GPR161: variants seen among roughly 807,000 people sequenced by gnomAD.
GPR161 encodes G protein-coupled receptor 161.
Under a neutral mutation model 39.2 loss-of-function variants are expected in GPR161, and 25 were observed. That is an observed-to-expected ratio of 0.64 (90% CI 0.47 to 0.89). GPR161 has a LOEUF of 0.89. Among genes scored for constraint, GPR161 ranks in the 40% least tolerant of loss-of-function variants. The probability of loss-of-function intolerance (pLI) is 0.00; values close to 1 mark genes in which losing one functional copy is unlikely to be tolerated. For synonymous variants in GPR161, 286 were observed against 276.6 expected (o/e 1.03, Z -0.34); for missense variants, 547 against 677.8 (o/e 0.81, Z 2.14).
At position 168,085,230 on chromosome 1, in the gene GPR161, C is replaced by T. The variant is rs1364851805; in HGVS notation, c.*301G>A. 2 of 466,874 alleles carry T rather than the reference C, an allele frequency of 4.3e-6. No individual in the cohort carries two copies. The highest frequency in any genetic ancestry group is 9.0e-5 in the East Asian group (2 of 22,344). 28.9% of individuals were successfully genotyped at this position (466,874 alleles called of 1,614,324 possible). A position where few individuals can be genotyped will look rare whatever the true frequency, so the allele number is the denominator to read the frequency against. On this transcript the variant is annotated 3_prime_UTR_variant, in exon 6 of 6. Coordinates refer to ENST00000682931, the MANE Select transcript of GPR161 (RefSeq NM_001375883.1). ...CTCTGGTCCTCCCATGCCCCACCTC[C>T]CAAAAAGCCACAGCCACATCTCTAG...
At chr1:168,123,625 G>C (rs552407359) in intron 1 of GPR161, among the ~76,000 whole-genome samples, 1 of 151,692 alleles carries the variant, frequency 6.6e-6, no homozygotes, top group Non-Finnish European at 1.5e-5. Flanking sequence ...AGTCTGCAAA[G>C]TGGTGGAAAG....
chr1:168,101,443 C>T (rs145434494), intron 2 of GPR161, among the ~76,000 whole-genome samples: 1 of 152,208 alleles, frequency 6.6e-6, no homozygotes, highest in Non-Finnish European at 1.5e-5. Flanking sequence ...AGAGAATTAT[C>T]TGGCTCGAAA....
intron 1 of GPR161, among the ~76,000 whole-genome samples, chr1:168,106,936 G>A (rs1290151205): frequency 5.3e-5 from 8 of 151,872 alleles, no homozygotes; most frequent in Non-Finnish European, 1.0e-4. Flanking sequence ...GCGAGTTCTG[G>A]GTTTGTTGAC....
chr1:168,085,911 G>A, intron 5 of GPR161, 115 bp from the exon 6 acceptor site: 1 of 872,612 alleles, frequency 1.1e-6, no homozygotes, highest in Non-Finnish European at 1.7e-6. Context: ...CGCAGTTAAG[G>A]GCGTGGGTTT....
Position 168,108,307 on chromosome 1 carries a change from C to A in GPR161, c.-44-3413G>T, listed in dbSNP as rs113211529. Among the ~76,000 whole-genome samples the A allele has an allele frequency of 9.1e-3, 1,378 of 152,042 alleles. 20 individuals carry two copies. Among genetic ancestry groups the A allele is most frequent in the African/African-American group, 0.032 (1,319 of 41,454 alleles). ...CAAAAACACCTCCCACCAGGCCCCACCTCCAACACTGGGATCAAATGTCAA... is the reference window on the plus strand; with the variant it reads ...CAAAAACACCTCCCACCAGGCCCCAACTCCAACACTGGGATCAAATGTCAA... On this transcript the variant is annotated intron_variant, in intron 1 of 5. Transcript: ENST00000682931.
intron 2 of GPR161, among the ~76,000 whole-genome samples, chr1:168,099,926 C>T (rs960108380): frequency 2.0e-5 from 3 of 151,200 alleles, no homozygotes; most frequent in Non-Finnish European, 4.4e-5. Context: ...TCCAGCCAGG[C>T]GCAGTGGCTC....
chr1:168,119,275 T>TATGTACATATATATGTACAC (rs1558130230), intron 1 of GPR161, among the ~76,000 whole-genome samples: 1 of 101,424 alleles, frequency 9.9e-6, no homozygotes, highest in African/African-American at 4.8e-5. Context: ...TATGTGTATA[T>TATGTACATATATATGTACAC]ATATATATAT....
chr1:168,094,604 T>C lies in GPR161; in HGVS notation c.1099+1904A>G, dbSNP rs144235663. Among the ~76,000 whole-genome samples the C allele has an allele frequency of 3.6e-3, 546 of 152,162 alleles. 6 individuals carry two copies. The highest frequency in any genetic ancestry group is 0.013 in the African/African-American group (531 of 41,504). ...TGCCACTGGGTGTGCATAATTAGAGTCATTTCTTTCACCCTCTTGAGAAGA... is the reference window on the plus strand; with the variant it reads ...TGCCACTGGGTGTGCATAATTAGAGCCATTTCTTTCACCCTCTTGAGAAGA... On this transcript the variant is annotated intron_variant, in intron 3 of 5. Transcript: ENST00000682931.
rs1558079522 is a variant in GPR161, at chr1:168,084,777, T to TA, written c.*753dup. 2.2e-6 allele frequency: 1 copy of TA among 453,092 alleles called. No individual in the cohort carries two copies. Among genetic ancestry groups the TA allele is most frequent in the African/African-American group, 2.0e-5 (1 of 49,714 alleles). 28.1% of individuals were successfully genotyped at this position (453,092 alleles called of 1,614,324 possible). On this transcript the variant is annotated 3_prime_UTR_variant, in exon 6 of 6. Transcript: ENST00000682931. The stretch of plus-strand genomic sequence containing the variant: ...GTACGTCTTAAATGGATTTTTTTTT[T>TA]AATTCTGGAAATGAAACACCTAGTA...
chr1:168,112,479 C>CA (rs57030886), intron 1 of GPR161, among the ~76,000 whole-genome samples: 1,225 of 62,958 alleles, frequency 0.019, 97 homozygotes, highest in Middle Eastern at 0.043. Context: ...GACTCCGTCT[C>CA]AAAAAAAAAA....
chr1:168,088,518 T>C (rs755119705), intron 4 of GPR161: 2 of 152,000 alleles, frequency 1.3e-5, no homozygotes, highest in African/African-American at 4.8e-5. Flanking sequence ...CTTTGGGAGG[T>C]AGAATATGGT....
chr1:168,131,289 T>C (rs1463699991), intron 1 of GPR161, among the ~76,000 whole-genome samples: 1 of 149,920 alleles, frequency 6.7e-6, no homozygotes, highest in East Asian at 2.0e-4. Flanking sequence ...AGCCAGACCA[T>C]TTCATGCTAT....
chr1:168,131,991 G>C (rs573958183), intron 1 of GPR161, among the ~76,000 whole-genome samples: 1 of 152,198 alleles, frequency 6.6e-6, no homozygotes. Flanking sequence ...CTGGCCAGGC[G>C]CGGTGACTCA....
intron 2 of GPR161, among the ~76,000 whole-genome samples, chr1:168,097,451 G>A (rs1003418974): frequency 7.9e-5 from 12 of 152,114 alleles, no homozygotes; most frequent in African/African-American, 2.2e-4. Context: ...CACAGAGCTC[G>A]AACAGTCCTG....
At chr1:168,136,494 G>A (rs1220317048) in intron 1 of GPR161, 16 of 1,260,418 alleles carry the variant, frequency 1.3e-5, no homozygotes, top group East Asian at 3.1e-5. Flanking sequence ...CAGGCCGCAG[G>A]GGAGGGGCGC....
intron 3 of GPR161, 117 bp downstream of exon 3, chr1:168,096,391 G>C: frequency 9.7e-7 from 1 of 1,036,090 alleles, no homozygotes; most frequent in Non-Finnish European, 1.4e-6. Context: ...GGAAATCTGT[G>C]CTTTGAGCCT....
intron 1 of GPR161, among the ~76,000 whole-genome samples, chr1:168,105,953 G>A (rs1346744721): frequency 6.6e-6 from 1 of 152,180 alleles, no homozygotes; most frequent in Non-Finnish European, 1.5e-5. Flanking sequence ...CAGCAGCGGG[G>A]CCATCCTCAC....
Position 168,087,601 on chromosome 1 carries a change from T to A in GPR161, c.1308A>T (p.Glu436Asp). 6.2e-7 allele frequency: 1 copy of A among 1,614,162 alleles called. No individual in the cohort carries two copies. Among genetic ancestry groups the A allele is most frequent in the Non-Finnish European group, 8.5e-7 (1 of 1,180,002 alleles). ...KRRSSVTFED[E>D]VEQIKEAAKN... ...GAAGCCAACCTTTGATTTGTTCCAC[T>A]TCATCCTCAAATGTCACCGAGCTCC... Residue 436 changes from glutamate to aspartate, a missense_variant, in exon 5 of 6, where the codon GAA becomes GAT. Transcript: ENST00000682931.
chr1:168,112,243 G>A (rs1012087484), intron 1 of GPR161, among the ~76,000 whole-genome samples: 2 of 152,054 alleles, frequency 1.3e-5, no homozygotes, highest in African/African-American at 4.8e-5. Context: ...CACTTTGGGA[G>A]GCCGGGGCAG....
Sources: gnomAD v4.1 joint callset for allele counts (sites outside exome capture counted in the v4.1 genomes callset) on GRCh38, gnomAD v4.1.1 for gene constraint, MANE v1.5 for transcripts, NCBI Gene and HGNC (gene_info 2026-07-23, HGNC 2026-07-21) for gene names.